CCSER1: variants seen among roughly 807,000 people sequenced by gnomAD.
CCSER1 encodes serine-rich coiled-coil domain-containing protein 1.
A neutral mutation model predicts 82.0 loss-of-function variants in CCSER1; 41 were observed. That is an observed-to-expected ratio of 0.50 (90% confidence interval 0.39 to 0.65). CCSER1 has a LOEUF of 0.65. CCSER1 is among the 30% of genes least tolerant of loss of function. The pLI, the probability that CCSER1 is intolerant of heterozygous loss-of-function variation, is 0.00. For missense variants in CCSER1, 1,119 were observed against 1,064.2 expected, an observed-to-expected ratio of 1.05 and a Z score of -0.72; for synonymous variants, 414 against 383.9, an observed-to-expected ratio of 1.08 and a Z score of -0.92.
chr4:91,042,897 G>A (rs377652719), intron 9 of CCSER1, among the ~76,000 whole-genome samples: 1 of 152,224 alleles, frequency 6.6e-6, no homozygotes, highest in South Asian at 2.1e-4. Context: ...GTATTTTAGG[G>A]ATCCTCAAAA....
chr4:90,634,661 G>A (rs1264100645), intron 6 of CCSER1, among the ~76,000 whole-genome samples: 3 of 151,770 alleles, frequency 2.0e-5, no homozygotes, highest in South Asian at 2.1e-4. Context: ...AGGAACTTCA[G>A]CAATGGATAA....
chr4:90,985,779 A>G (rs555291174), intron 9 of CCSER1, among the ~76,000 whole-genome samples: 5 of 151,716 alleles, frequency 3.3e-5, no homozygotes, highest in African/African-American at 1.2e-4. Context: ...GCCCACTTGT[A>G]TTTTAGGAAT....
intron 1 of CCSER1, among the ~76,000 whole-genome samples, chr4:90,255,748 A>G (rs1390897935): frequency 6.6e-6 from 1 of 152,170 alleles, no homozygotes; most frequent in Non-Finnish European, 1.5e-5. Flanking sequence ...AACACAGTTA[A>G]AGCAAGAGAA....
chr4:90,536,324 G>A (rs1005921595), intron 5 of CCSER1, among the ~76,000 whole-genome samples: 7 of 152,134 alleles, frequency 4.6e-5, no homozygotes, highest in Admixed American at 1.3e-4. Context: ...GTGAGCCACC[G>A]TGGCCAGCCT....
intron 6 of CCSER1, among the ~76,000 whole-genome samples, chr4:90,705,612 G>A (rs1739179889): frequency 6.6e-6 from 1 of 152,174 alleles, no homozygotes; most frequent in Non-Finnish European, 1.5e-5. Context: ...GAGCTGTGGT[G>A]GTCTCCACCC....
chr4:91,188,334 T>C (rs1734737169), intron 10 of CCSER1, among the ~76,000 whole-genome samples: 1 of 152,222 alleles, frequency 6.6e-6, no homozygotes, highest in East Asian at 1.9e-4. Flanking sequence ...TTTTTCAGTA[T>C]TGATGTTACG....
At chr4:90,935,423 C>T (rs1374667958) in intron 9 of CCSER1, among the ~76,000 whole-genome samples, 1 of 152,118 alleles carries the variant, frequency 6.6e-6, no homozygotes, top group Non-Finnish European at 1.5e-5. Flanking sequence ...TTGAGACTTT[C>T]ACCAGATGCC....
chr4:90,912,042 C>T (rs1310897294), intron 8 of CCSER1, among the ~76,000 whole-genome samples: 3 of 152,224 alleles, frequency 2.0e-5, no homozygotes, highest in East Asian at 1.9e-4. Context: ...CTGTAGACTC[C>T]ACCTCTGGTG....
intron 5 of CCSER1, among the ~76,000 whole-genome samples, chr4:90,514,626 G>C (rs1771995867): frequency 6.6e-6 from 1 of 151,966 alleles, no homozygotes; most frequent in Non-Finnish European, 1.5e-5. Flanking sequence ...CATGGTGGCA[G>C]GTGCCGGTAA....
At chr4:90,964,445 G>A (rs889827369) in intron 9 of CCSER1, among the ~76,000 whole-genome samples, 6 of 151,124 alleles carry the variant, frequency 4.0e-5, no homozygotes, top group African/African-American at 1.5e-4. Context: ...AACAAGGATA[G>A]GCCAGGCGTG....
At chr4:90,333,621 C>T (rs1258726950) in intron 3 of CCSER1, among the ~76,000 whole-genome samples, 1 of 152,170 alleles carries the variant, frequency 6.6e-6, no homozygotes, top group Non-Finnish European at 1.5e-5. Flanking sequence ...TGTGAGTTTA[C>T]TTCAGCATCT....
chr4:90,548,968 A>G (rs977083794), intron 5 of CCSER1, among the ~76,000 whole-genome samples: 33 of 152,088 alleles, frequency 2.2e-4, no homozygotes, highest in Non-Finnish European at 2.9e-4. Flanking sequence ...GAAACCAAGA[A>G]TTTGCTAGCC....
chr4:90,276,916 G>C (rs1727931429), intron 1 of CCSER1, among the ~76,000 whole-genome samples: 2 of 152,094 alleles, frequency 1.3e-5, no homozygotes, highest in Admixed American at 1.3e-4. Context: ...TGTTATTGGT[G>C]TATAGGAATG....
intron 10 of CCSER1, among the ~76,000 whole-genome samples, chr4:91,363,287 A>G (rs1298479835): frequency 6.6e-6 from 1 of 151,714 alleles, no homozygotes; most frequent in Non-Finnish European, 1.5e-5. Context: ...TTAATTCATA[A>G]TAAATTTTTG....
intron 10 of CCSER1, among the ~76,000 whole-genome samples, chr4:91,586,082 T>TA (rs1283433968): frequency 1.3e-5 from 2 of 151,462 alleles, no homozygotes; most frequent in African/African-American, 2.4e-5. Context: ...CAACTAGTGA[T>TA]AGAGTGTAGA....
intron 1 of CCSER1, among the ~76,000 whole-genome samples, chr4:90,158,293 G>T (rs916424016): frequency 5.3e-5 from 8 of 152,158 alleles, no homozygotes; most frequent in Admixed American, 2.6e-4. Context: ...CTACTGGGGG[G>T]TGCCTCCCAG....
At chr4:90,906,564 A>C (rs902112228) in intron 8 of CCSER1, among the ~76,000 whole-genome samples, 3 of 152,152 alleles carry the variant, frequency 2.0e-5, no homozygotes, top group Non-Finnish European at 2.9e-5. Context: ...AATCAATACC[A>C]TAAAATAAAA....
chr4:91,479,040 C>T (rs879826983), intron 10 of CCSER1, among the ~76,000 whole-genome samples: 1 of 151,572 alleles, frequency 6.6e-6, no homozygotes, highest in Non-Finnish European at 1.5e-5. Context: ...GTATGTTTCA[C>T]TATTCATTAG....
chr4:90,884,117 A>G (rs1160261658), intron 8 of CCSER1, among the ~76,000 whole-genome samples: 5 of 152,168 alleles, frequency 3.3e-5, no homozygotes, highest in African/African-American at 1.2e-4. Flanking sequence ...CTATATCCAA[A>G]TGCAGATAGG....
Sources: gnomAD v4.1 joint callset for allele counts (sites outside exome capture counted in the v4.1 genomes callset) on GRCh38, gnomAD v4.1.1 for gene constraint, MANE v1.5 for transcripts, NCBI Gene and HGNC (gene_info 2026-07-23, HGNC 2026-07-21) for gene names.